Variants in PLCXD2 observed in about 807,000 individuals in gnomAD.
The protein encoded by PLCXD2 is phosphatidylinositol specific phospholipase C X domain containing 2.
Under a neutral mutation model 28.6 loss-of-function variants are expected in PLCXD2, and 21 were observed. The ratio of observed to expected loss-of-function variants is 0.73; its 90% CI spans 0.52 to 1.06. The LOEUF is 1.06. Ranked by LOEUF, PLCXD2 falls within the 50% of genes least tolerant of loss-of-function variation. The pLI is 0.00. For missense variants in PLCXD2, 369 were observed against 376.7 expected (o/e 0.98, Z 0.17); for synonymous variants, 140 against 150.1 (o/e 0.93, Z 0.49).
rs1940601010 is a variant in PLCXD2 at position 111,675,182 on chromosome 3, A to G, written c.-64A>G. The G allele has an allele frequency of 1.9e-6, 3 of 1,563,784 alleles. No individual in the cohort carries two copies. Among genetic ancestry groups the G allele is most frequent in the East Asian group, 4.5e-5 (2 of 43,966 alleles). On this transcript the variant is annotated 5_prime_UTR_variant, in exon 1 of 5. Coordinates refer to ENST00000477665, the MANE Select transcript of PLCXD2 (RefSeq NM_001185106.1). ...TCGCCCTGAAACGTCCACAGAGCCC[A>G]AGAAGTGATGATCACTGAGTGAGTG...
At chr3:111,700,667 C>T (rs1941028632) in intron 1 of PLCXD2, among the ~76,000 whole-genome samples, 1 of 152,158 alleles carries the variant, frequency 6.6e-6, no homozygotes, top group Non-Finnish European at 1.5e-5. Flanking sequence ...TATTAATATT[C>T]GTATGTGTAT....
At position 111,674,997 on chromosome 3, in the gene PLCXD2, C is replaced by T; in HGVS notation, c.-249C>T. 4.2e-6 allele frequency: 2 copies of T among 475,152 alleles called. No homozygotes were observed. The highest frequency in any genetic ancestry group is 7.4e-6 in the Non-Finnish European group (2 of 269,422). The allele number at this position is 475,152 out of a possible 1,614,324, so 29.4% of individuals were successfully genotyped here. The stretch of plus-strand genomic sequence containing the variant: ...ACCTTCCCCCATCTCCAGAGGGGAA[C>T]ATAAGAAGTTTAACGGAGCTGGGAC... On this transcript the variant is annotated 5_prime_UTR_variant, in exon 1 of 5. Transcript: ENST00000477665.
intron 3 of PLCXD2, among the ~76,000 whole-genome samples, chr3:111,715,546 T>TA (rs543784571): frequency 8.1e-4 from 124 of 152,336 alleles, no homozygotes; most frequent in African/African-American, 2.9e-3. Context: ...AGGGAGTATT[T>TA]AAAAAACTAA....
chr3:111,683,755 A>T (rs1441604407), intron 1 of PLCXD2, among the ~76,000 whole-genome samples: 1 of 152,180 alleles, frequency 6.6e-6, no homozygotes, highest in Admixed American at 6.5e-5. Context: ...AGAGGTATAC[A>T]TTACTGCTGG....
At chr3:111,696,969 AAG>A (rs1271759147) in intron 1 of PLCXD2, among the ~76,000 whole-genome samples, 1 of 152,188 alleles carries the variant, frequency 6.6e-6, no homozygotes. Context: ...TCCACTGAAT[AAG>A]AGAATTTTCT....
chr3:111,706,039 G>T (rs1941113604), intron 1 of PLCXD2, among the ~76,000 whole-genome samples: 1 of 151,974 alleles, frequency 6.6e-6, no homozygotes, highest in African/African-American at 2.4e-5. Flanking sequence ...TGTATTTTTT[G>T]TAGAGATAGG....
intron 1 of PLCXD2, among the ~76,000 whole-genome samples, chr3:111,683,041 C>A (rs1189657537): frequency 6.6e-6 from 1 of 152,184 alleles, no homozygotes; most frequent in Admixed American, 6.5e-5. Flanking sequence ...TAAGATTCTT[C>A]TCCCTGCTCT....
chr3:111,675,302 C>T lies in PLCXD2; in HGVS notation c.57C>T (p.Pro19=), dbSNP rs760146238. ...TCAGGATGGGGACCATCTGCTCCCC[C>T]AACCCCAGCGGGACAAAGACATCAT... The change falls in exon 1 of 5, where the codon CCC becomes CCT. Residue 19 remains proline, a synonymous_variant. Coordinates refer to ENST00000477665, the MANE Select transcript of PLCXD2 (RefSeq NM_001185106.1). The T allele has an allele frequency of 6.2e-7, 1 of 1,614,038 alleles. No homozygotes were observed. The highest frequency in any genetic ancestry group is 1.3e-5 in the African/African-American group (1 of 74,920).
intron 1 of PLCXD2, among the ~76,000 whole-genome samples, chr3:111,692,304 A>G (rs1164819747): frequency 6.6e-6 from 1 of 152,152 alleles, no homozygotes; most frequent in Non-Finnish European, 1.5e-5. Context: ...CGGCCTCCCA[A>G]AGTGCTGGGA....
Position 111,688,596 on chromosome 3 carries a change from C to T in PLCXD2, c.163+13188C>T, listed in dbSNP as rs117266965. The stretch of plus-strand genomic sequence containing the variant: ...AAGCCCATGCCCATGTGACTCAAAT[C>T]CTGCACCATAAATCACATCCTTATA... On this transcript the variant is annotated intron_variant, in intron 1 of 4. Coordinates refer to ENST00000477665, the MANE Select transcript of PLCXD2 (RefSeq NM_001185106.1). Among the ~76,000 whole-genome samples, 17 of 152,328 alleles carry T rather than the reference C, an allele frequency of 1.1e-4. No homozygotes were observed. In the East Asian group the frequency reaches 3.1e-3, roughly 28 times the overall value.
At chr3:111,679,534 TGAAAGTATG>T (rs1422386769) in intron 1 of PLCXD2, among the ~76,000 whole-genome samples, 1 of 152,180 alleles carries the variant, frequency 6.6e-6, no homozygotes, top group South Asian at 2.1e-4. Context: ...AGTGAATAAT[TGAAAGTATG>T]GAAAGTATGG....
chr3:111,720,023 T>C (rs1191081277), intron 3 of PLCXD2, among the ~76,000 whole-genome samples: 1 of 152,166 alleles, frequency 6.6e-6, no homozygotes, highest in African/African-American at 2.4e-5. Flanking sequence ...GATGGATTGA[T>C]GGAAGGATAG....
intron 1 of PLCXD2, among the ~76,000 whole-genome samples, chr3:111,697,354 T>A (rs948255317): frequency 1.3e-5 from 2 of 152,104 alleles, no homozygotes; most frequent in East Asian, 3.9e-4. Context: ...AGCCTCTGAA[T>A]AAAACAAGCA....
intron 1 of PLCXD2, among the ~76,000 whole-genome samples, chr3:111,698,166 A>G (rs1343934668): frequency 6.6e-6 from 1 of 152,238 alleles, no homozygotes; most frequent in Non-Finnish European, 1.5e-5. Context: ...AATAATTAAT[A>G]ATAATAACAT....
chr3:111,719,483 A>G (rs1941317296), intron 3 of PLCXD2, among the ~76,000 whole-genome samples: 1 of 152,238 alleles, frequency 6.6e-6, no homozygotes. Context: ...CAATAGCCCA[A>G]GTGTCCATCC....
At chr3:111,726,643 G>A (rs1478039531) in intron 3 of PLCXD2, 21 of 152,038 alleles carry the variant, frequency 1.4e-4, no homozygotes, top group Admixed American at 1.4e-3. Flanking sequence ...TGTATTCTGT[G>A]GCTTAATTAT....
intron 3 of PLCXD2, chr3:111,724,737 G>A (rs1374381669): frequency 1.3e-5 from 2 of 152,188 alleles, no homozygotes; most frequent in East Asian, 3.9e-4. Flanking sequence ...TTTGTGTGAT[G>A]TTTCTTAGTA....
chr3:111,708,234 A>G lies in PLCXD2; in HGVS notation c.472A>G (p.Ile158Val). ...TCTTACACAGCACCCCCAGGAGATT[A>G]TCTTCCTGGATTTCAACCACTTCTA... The change falls in exon 2 of 5, where the codon ATC (isoleucine) becomes GTC (valine). Residue 158 changes from isoleucine (I) to valine (V), a missense_variant. Physicochemically the swap from Ile to Val is conservative, Grantham distance 29. Transcript: ENST00000477665. 1 of 1,614,166 alleles carries G rather than the reference A, an allele frequency of 6.2e-7. No homozygotes were observed. Among genetic ancestry groups the G allele is most frequent in the Non-Finnish European group, 8.5e-7 (1 of 1,180,020 alleles).
At chr3:111,677,916 G>A (rs78873109) in intron 1 of PLCXD2, among the ~76,000 whole-genome samples, 3,978 of 152,190 alleles carry the variant, frequency 0.026, 195 homozygotes, top group African/African-American at 0.091. Context: ...ATATACATAT[G>A]CCTGTTTAGA....
Sources: gnomAD v4.1 joint callset for allele counts (sites outside exome capture counted in the v4.1 genomes callset) on GRCh38, gnomAD v4.1.1 for gene constraint, MANE v1.5 for transcripts, NCBI Gene and HGNC (gene_info 2026-07-23, HGNC 2026-07-21) for gene names.